The following EXOC4 variants were observed in gnomAD, a reference collection of about 807,000 sequenced individuals.
EXOC4 encodes exocyst complex component 4, also known as SEC8-like 1.
A neutral mutation model predicts 107.2 loss-of-function variants in EXOC4; 71 were observed. The ratio of observed to expected loss-of-function variants is 0.66; its 90% CI spans 0.55 to 0.81. The LOEUF is 0.81. Among genes scored for constraint, EXOC4 ranks in the 30% least tolerant of loss-of-function variants. The probability of loss-of-function intolerance (pLI) is 0.00; values close to 1 mark genes in which losing one functional copy is unlikely to be tolerated. For missense variants in EXOC4, 1,108 were observed against 1,189.6 expected, an observed-to-expected ratio of 0.93 and a Z score of 1.01; for synonymous variants, 456 against 441.2, an observed-to-expected ratio of 1.03 and a Z score of -0.42.
chr7:134,001,958 T>C (rs1285077226), intron 15 of EXOC4, among the ~76,000 whole-genome samples: 3 of 152,220 alleles, frequency 2.0e-5, no homozygotes, highest in African/African-American at 7.2e-5. Context: ...AAAAATACTT[T>C]AGCATAGATG....
At chr7:133,603,192 A>T (rs1352824051) in intron 9 of EXOC4, among the ~76,000 whole-genome samples, 1 of 152,118 alleles carries the variant, frequency 6.6e-6, no homozygotes, top group Non-Finnish European at 1.5e-5. Flanking sequence ...CTACCTCTGT[A>T]GGTTATGAAG....
Position 133,337,062 on chromosome 7 carries a change from T to C in EXOC4, c.764-19268T>C, listed in dbSNP as rs113380895. ...TTTATTTTTAAATGTATCAATATGCTATATTAATAGATTTCTTAGTATTTA... is the reference window on the plus strand; with the variant it reads ...TTTATTTTTAAATGTATCAATATGCCATATTAATAGATTTCTTAGTATTTA... On this transcript the variant is annotated intron_variant, in intron 5 of 17. Transcript: ENST00000253861. Among the ~76,000 whole-genome samples, 1,331 of 152,312 alleles carry C rather than the reference T, an allele frequency of 8.7e-3. 27 individuals are homozygous for C. Among genetic ancestry groups the C allele is most frequent in the African/African-American group, 0.03 (1,252 of 41,572 alleles).
In EXOC4 at chr7:133,885,091, G is replaced by A. The variant is rs180808996; in HGVS notation, c.1735-10508G>A. Among the ~76,000 whole-genome samples the A allele has an allele frequency of 7.9e-3, 1,198 of 152,108 alleles. 10 individuals carry two copies. The highest frequency in any genetic ancestry group is 9.5e-3 in the Non-Finnish European group (647 of 67,994). ...AGCACTTTGGGAGGCCGAGACAGGCGGATCATGAGGTCAGGAGATCGAGAC... is the reference window on the plus strand; with the variant it reads ...AGCACTTTGGGAGGCCGAGACAGGCAGATCATGAGGTCAGGAGATCGAGAC... On this transcript the variant is annotated intron_variant, in intron 11 of 17. Transcript: ENST00000253861.
intron 5 of EXOC4, among the ~76,000 whole-genome samples, chr7:133,341,854 T>G (rs1191996377): frequency 6.6e-6 from 1 of 152,156 alleles, no homozygotes; most frequent in Admixed American, 6.5e-5. Flanking sequence ...ATAGCTATTC[T>G]TGCTCACATT....
chr7:133,888,758 C>A (rs1267421217), intron 11 of EXOC4, among the ~76,000 whole-genome samples: 1 of 152,124 alleles, frequency 6.6e-6, no homozygotes, highest in African/African-American at 2.4e-5. Context: ...CAGCAGAACT[C>A]CGGTCTGGCT....
chr7:133,947,852 T>C (rs947713698), intron 14 of EXOC4, among the ~76,000 whole-genome samples: 21 of 152,330 alleles, frequency 1.4e-4, no homozygotes, highest in Admixed American at 1.2e-3. Context: ...GTGTGGTGGC[T>C]GGAAGCTGCC....
At chr7:133,476,844 G>C (rs1216778196) in intron 8 of EXOC4, among the ~76,000 whole-genome samples, 1 of 152,082 alleles carries the variant, frequency 6.6e-6, no homozygotes, top group Non-Finnish European at 1.5e-5. Flanking sequence ...TATCATAAAG[G>C]ACTCAGCCCT....
At chr7:134,090,370 G>A in the EXOC4 span, among the ~76,000 whole-genome samples, 15 of 152,174 alleles carry the variant, frequency 9.9e-5, no homozygotes, top group Non-Finnish European at 1.9e-4. Flanking sequence ...TGACCAGTTT[G>A]TTGGGCCATC....
chr7:133,881,285 C>CAT (rs1415619568), intron 11 of EXOC4, among the ~76,000 whole-genome samples: 1 of 148,542 alleles, frequency 6.7e-6, no homozygotes, highest in African/African-American at 2.5e-5. Flanking sequence ...CACTCCCCCA[C>CAT]ATACCCCCTT....
intron 14 of EXOC4, among the ~76,000 whole-genome samples, chr7:133,995,836 A>T (rs1794377595): frequency 6.6e-6 from 1 of 152,156 alleles, no homozygotes; most frequent in South Asian, 2.1e-4. Context: ...GCAAAGTTTA[A>T]GAATGGATAT....
chr7:133,563,584 T>C (rs900763564), intron 9 of EXOC4, among the ~76,000 whole-genome samples: 5 of 151,956 alleles, frequency 3.3e-5, no homozygotes, highest in African/African-American at 1.2e-4. Flanking sequence ...CTGTTAAGAG[T>C]TGAATTTAAT....
At chr7:133,998,065 T>C (rs1794438729) in intron 15 of EXOC4, among the ~76,000 whole-genome samples, 1 of 152,202 alleles carries the variant, frequency 6.6e-6, no homozygotes, top group African/African-American at 2.4e-5. Context: ...TTTATTGTGA[T>C]TGATATTTTT....
intron 10 of EXOC4, among the ~76,000 whole-genome samples, chr7:133,812,317 A>G (rs1797252451): frequency 6.6e-6 from 1 of 152,208 alleles, no homozygotes. Context: ...TAAACCATCA[A>G]AACAATCTTG....
At chr7:133,956,839 ATACT>A (rs1263463181) in intron 14 of EXOC4, among the ~76,000 whole-genome samples, 3 of 152,252 alleles carry the variant, frequency 2.0e-5, no homozygotes, top group Non-Finnish European at 4.4e-5. Flanking sequence ...AATTGTGATC[ATACT>A]TATTCCACCA....
At chr7:133,468,023 A>G (rs1477792106) in intron 7 of EXOC4, among the ~76,000 whole-genome samples, 1 of 152,032 alleles carries the variant, frequency 6.6e-6, no homozygotes, top group Non-Finnish European at 1.5e-5. Context: ...TACTTTGCAT[A>G]TTTTCTGTGT....
At chr7:133,938,365 T>C (rs1800352336) in intron 14 of EXOC4, among the ~76,000 whole-genome samples, 1 of 152,196 alleles carries the variant, frequency 6.6e-6, no homozygotes, top group Non-Finnish European at 1.5e-5. Flanking sequence ...CCATTAAGTC[T>C]CAAGAACAGA....
intron 7 of EXOC4, among the ~76,000 whole-genome samples, chr7:133,382,777 T>G (rs1265875717): frequency 6.6e-6 from 1 of 152,190 alleles, no homozygotes; most frequent in Non-Finnish European, 1.5e-5. Flanking sequence ...GTAAATTAAT[T>G]CTTGGAAGAG....
chr7:133,387,388 C>G (rs1796752152), intron 7 of EXOC4, among the ~76,000 whole-genome samples: 1 of 152,116 alleles, frequency 6.6e-6, no homozygotes, highest in Admixed American at 6.5e-5. Flanking sequence ...AAAAGAAAAA[C>G]TAGACATCGG....
rs752571387 is a variant in EXOC4, at chr7:134,064,290, G to A, written c.2688-1G>A. 2 of 1,426,142 alleles carry A rather than the reference G, an allele frequency of 1.4e-6. No individual in the cohort carries two copies. The highest frequency in any genetic ancestry group is 1.9e-6 in the Non-Finnish European group (2 of 1,078,852). 88.3% of individuals were successfully genotyped at this position (1,426,142 alleles called of 1,614,324 possible). A position where few individuals can be genotyped will look rare whatever the true frequency, so the allele number is the denominator to read the frequency against. ...AGCAGTGTTCTCTCTTGCTTTCTCA[G>A]GCAGTACTACGAGATGCTTTACAAC... On this transcript the variant is annotated splice_acceptor_variant, in intron 17 of 17. Transcript: ENST00000253861. LOFTEE classifies it high-confidence loss of function.
Sources: allele counts gnomAD v4.1 joint callset (sites outside exome capture counted in the v4.1 genomes callset), GRCh38; gene constraint gnomAD v4.1.1; transcripts MANE v1.5; gene names NCBI Gene and HGNC (gene_info 2026-07-23, HGNC 2026-07-21).